AGBL4: variants seen among roughly 807,000 people sequenced by gnomAD.
AGBL4 encodes the protein cytosolic carboxypeptidase 6.
Under a neutral mutation model 66.4 loss-of-function variants are expected in AGBL4, and 58 were observed. The ratio of observed to expected loss-of-function variants is 0.87; its 90% confidence interval spans 0.71 to 1.09. The LOEUF is 1.09. AGBL4 is among the 50% of genes least tolerant of loss of function. The pLI, the probability that AGBL4 is intolerant of heterozygous loss-of-function variation, is 0.00. For missense variants in AGBL4, 579 were observed against 631.0 expected, an observed-to-expected ratio of 0.92 and a Z score of 0.88; for synonymous variants, 234 against 222.9, an observed-to-expected ratio of 1.05 and a Z score of -0.44.
chr1:49,362,574 T>C lies in AGBL4; in HGVS notation c.283-116710A>G, dbSNP rs374058071. Among the ~76,000 whole-genome samples, 287 of 152,146 alleles carry C rather than the reference T, an allele frequency of 1.9e-3. 2 individuals carry two copies. The highest frequency in any genetic ancestry group is 1.0e-2 in the South Asian group (48 of 4,810). Reference sequence around the variant, plus strand: ...GCCGAGGGAGTAAGAAACCAGTCTTTTCTTTGCGCAAACACCCACACTCTC... The same window carrying C: ...GCCGAGGGAGTAAGAAACCAGTCTTCTCTTTGCGCAAACACCCACACTCTC... On this transcript the variant is annotated intron_variant, in intron 3 of 13. Coordinates refer to ENST00000371839, the MANE Select transcript of AGBL4 (RefSeq NM_032785.4).
chr1:49,234,353 G>A (rs138646825), intron 4 of AGBL4, among the ~76,000 whole-genome samples: 2 of 152,282 alleles, frequency 1.3e-5, no homozygotes, highest in East Asian at 3.9e-4. Context: ...CATCTTGATA[G>A]TTCAAATGAT....
chr1:49,991,885 G>A (rs1001942495), intron 1 of AGBL4, among the ~76,000 whole-genome samples: 20 of 152,054 alleles, frequency 1.3e-4, no homozygotes, highest in African/African-American at 4.6e-4. Flanking sequence ...AACTATGTGA[G>A]CTTAAGCAAG....
intron 5 of AGBL4, among the ~76,000 whole-genome samples, chr1:48,878,318 T>C (rs1399877834): frequency 1.3e-5 from 2 of 152,190 alleles, no homozygotes; most frequent in African/African-American, 2.4e-5. Flanking sequence ...CAGGAACACT[T>C]AGAAGCCAGG....
intron 3 of AGBL4, among the ~76,000 whole-genome samples, chr1:49,270,104 A>T (rs537211098): frequency 5.9e-5 from 9 of 152,232 alleles, no homozygotes; most frequent in Admixed American, 5.9e-4. Flanking sequence ...GGAGAAAAGG[A>T]TTTCTGTGAC....
chr1:49,429,321 T>G (rs1011267845), intron 3 of AGBL4, among the ~76,000 whole-genome samples: 1 of 152,220 alleles, frequency 6.6e-6, no homozygotes, highest in African/African-American at 2.4e-5. Flanking sequence ...GAGAACACGC[T>G]TAGTGAATTT....
chr1:48,908,925 GC>G lies in AGBL4; in HGVS notation c.595-41696del, dbSNP rs897472382. ...GCAAAGCAGAACATAAATCAACCTT[GC>G]CTTTTTTTTTTTTCAGGACTAGTTT... On this transcript the variant is annotated intron_variant, in intron 5 of 13. Transcript: ENST00000371839. Among the ~76,000 whole-genome samples the G allele has an allele frequency of 2.6e-4, 6 of 22,854 alleles. No individual in the cohort carries two copies. The Admixed American group carries it at 5.0e-3, about 19-fold the overall frequency. 15.0% of individuals were successfully genotyped at this position (22,854 alleles called of 152,430 possible).
At chr1:49,143,463 A>G (rs1208473733) in intron 4 of AGBL4, among the ~76,000 whole-genome samples, 1 of 152,120 alleles carries the variant, frequency 6.6e-6, no homozygotes. Flanking sequence ...AATTCTGTCT[A>G]TTCTGTCTAT....
chr1:49,190,118 G>T (rs1647088372), intron 4 of AGBL4, among the ~76,000 whole-genome samples: 1 of 152,212 alleles, frequency 6.6e-6, no homozygotes, highest in Admixed American at 6.5e-5. Flanking sequence ...AGGGTTTTCA[G>T]AGGCAAATGG....
At chr1:49,471,580 GT>G (rs1646746143) in intron 3 of AGBL4, among the ~76,000 whole-genome samples, 1 of 151,710 alleles carries the variant, frequency 6.6e-6, no homozygotes, top group Non-Finnish European at 1.5e-5. Context: ...AGTTCCATGG[GT>G]TTTCTTTTTG....
At chr1:49,852,204 G>A (rs1646320818) in intron 1 of AGBL4, among the ~76,000 whole-genome samples, 1 of 152,110 alleles carries the variant, frequency 6.6e-6, no homozygotes, top group Non-Finnish European at 1.5e-5. Context: ...TGAGTTTGAA[G>A]AGCAGCTAAA....
At chr1:49,823,738 ATT>A (rs1256550641) in intron 2 of AGBL4, among the ~76,000 whole-genome samples, 1 of 151,638 alleles carries the variant, frequency 6.6e-6, no homozygotes, top group Non-Finnish European at 1.5e-5. Flanking sequence ...CACTTCTGCA[ATT>A]TTTAAAGAAA....
At chr1:49,332,621 ATAAAT>A (rs1318371550) in intron 3 of AGBL4, among the ~76,000 whole-genome samples, 4 of 152,226 alleles carry the variant, frequency 2.6e-5, no homozygotes, top group Admixed American at 1.3e-4. Flanking sequence ...CACAGGGAAA[ATAAAT>A]TAACTTTAGT....
chr1:48,570,769 C>G (rs1644549545), intron 11 of AGBL4, among the ~76,000 whole-genome samples: 1 of 152,194 alleles, frequency 6.6e-6, no homozygotes, highest in Admixed American at 6.5e-5. Flanking sequence ...CATACTATCA[C>G]TAAAGTGCTT....
intron 3 of AGBL4, among the ~76,000 whole-genome samples, chr1:49,662,699 C>T (rs2124496504): frequency 6.6e-6 from 1 of 152,186 alleles, no homozygotes; most frequent in African/African-American, 2.4e-5. Flanking sequence ...TATATAGATT[C>T]AAGTACTTTC....
At chr1:49,995,901 C>A (rs548982994) in intron 1 of AGBL4, 1 of 152,480 alleles carries the variant, frequency 6.6e-6, no homozygotes, top group South Asian at 2.1e-4. Context: ...TTTGCAGACA[C>A]TCCCCAGTAC....
At chr1:49,851,882 C>T (rs1323697478) in intron 1 of AGBL4, among the ~76,000 whole-genome samples, 2 of 152,068 alleles carry the variant, frequency 1.3e-5, no homozygotes, top group East Asian at 1.9e-4. Flanking sequence ...CATTAAATTG[C>T]ATCAACCATT....
chr1:49,362,449 C>CAAA (rs145467066), intron 3 of AGBL4, among the ~76,000 whole-genome samples: 27 of 80,876 alleles, frequency 3.3e-4, no homozygotes, highest in East Asian at 1.0e-3. Context: ...GACCCTGTCT[C>CAAA]AAAAAAAAAA....
At chr1:48,833,600 T>G (rs1218401854) in intron 6 of AGBL4, among the ~76,000 whole-genome samples, 1 of 152,060 alleles carries the variant, frequency 6.6e-6, no homozygotes, top group African/African-American at 2.4e-5. Flanking sequence ...ACCAAGGAGG[T>G]GGCCAGACTA....
At chr1:48,935,983 A>T (rs1470343544) in intron 5 of AGBL4, among the ~76,000 whole-genome samples, 6 of 135,510 alleles carry the variant, frequency 4.4e-5, no homozygotes, top group African/African-American at 1.8e-4. Context: ...AAAAAAAAAA[A>T]AAAAAAAAAA....
Sources: gnomAD v4.1 joint callset for allele counts (sites outside exome capture counted in the v4.1 genomes callset) on GRCh38, gnomAD v4.1.1 for gene constraint, MANE v1.5 for transcripts, NCBI Gene and HGNC (gene_info 2026-07-23, HGNC 2026-07-21) for gene names.